LIMS1: variants seen among roughly 807,000 people sequenced by gnomAD.
LIMS1 encodes LIM and senescent cell antigen-like-containing domain protein 1.
A neutral mutation model predicts 44.1 loss-of-function variants in LIMS1; 18 were observed. The ratio of observed to expected loss-of-function variants is 0.41; its 90% CI spans 0.28 to 0.61. The LOEUF is 0.61. Among genes scored for constraint, LIMS1 ranks in the 20% least tolerant of loss-of-function variants. LIMS1 has a pLI of 0.32. For missense variants in LIMS1, 201 were observed against 422.0 expected, an observed-to-expected ratio of 0.48 and a Z score of 4.59; for synonymous variants, 93 against 149.1, an observed-to-expected ratio of 0.62 and a Z score of 2.74.
chr2:108,553,168 C>T (rs1488866020), intron 1 of LIMS1, among the ~76,000 whole-genome samples: 1 of 152,214 alleles, frequency 6.6e-6, no homozygotes. Flanking sequence ...GTCTTCCATG[C>T]TCTCTCCTGG....
intron 1 of LIMS1, among the ~76,000 whole-genome samples, chr2:108,647,402 A>G (rs1185183667): frequency 6.6e-6 from 1 of 152,234 alleles, no homozygotes; most frequent in African/African-American, 2.4e-5. Context: ...AGGAGCTGGT[A>G]CCATTCCTTC....
At chr2:108,572,951 C>G (rs1447889014) in intron 1 of LIMS1, among the ~76,000 whole-genome samples, 1 of 152,078 alleles carries the variant, frequency 6.6e-6, no homozygotes, top group African/African-American at 2.4e-5. Flanking sequence ...GTTGCTGTTC[C>G]GCAGCTTCCT....
At position 108,670,778 on chromosome 2, in the gene LIMS1, C is replaced by T; in HGVS notation, c.193-3C>T. 6.2e-7 allele frequency: 1 copy of T among 1,611,868 alleles called. No individual in the cohort carries two copies. The highest frequency in any genetic ancestry group is 8.5e-7 in the Non-Finnish European group (1 of 1,179,836). Reference sequence around the variant, plus strand: ...TGTAAGTTGGTGGTACCCTCTCTTTCAGTTTGAAGGAAGAAAGTACTGTGA... The same window carrying T: ...TGTAAGTTGGTGGTACCCTCTCTTTTAGTTTGAAGGAAGAAAGTACTGTGA... On this transcript the variant is annotated splice_polypyrimidine_tract_variant and splice_region_variant and intron_variant, in intron 2 of 9. Transcript: ENST00000544547.
At chr2:108,537,147 A>G (rs1209567944) in intron 1 of LIMS1, among the ~76,000 whole-genome samples, 1 of 152,210 alleles carries the variant, frequency 6.6e-6, no homozygotes, top group African/African-American at 2.4e-5. Context: ...TTGTTTTTGC[A>G]CTATCTGTGT....
intron 1 of LIMS1, among the ~76,000 whole-genome samples, chr2:108,566,915 G>A (rs1248558055): frequency 1.3e-5 from 2 of 152,166 alleles, no homozygotes; most frequent in East Asian, 1.9e-4. Flanking sequence ...CACTTTTTAA[G>A]TGTGTAGTTC....
chr2:108,613,911 A>G (rs1398764722), intron 1 of LIMS1, among the ~76,000 whole-genome samples: 2 of 151,334 alleles, frequency 1.3e-5, no homozygotes, highest in Admixed American at 6.6e-5. Flanking sequence ...GTCAGCATCC[A>G]CTCTGCACCC....
intron 1 of LIMS1, among the ~76,000 whole-genome samples, chr2:108,609,869 G>C: frequency 6.6e-6 from 1 of 152,040 alleles, no homozygotes; most frequent in East Asian, 1.9e-4. Flanking sequence ...TTGGCCGGGC[G>C]CGGTGGCTCA....
intron 1 of LIMS1, among the ~76,000 whole-genome samples, chr2:108,585,007 C>T (rs1474963225): frequency 1.3e-5 from 2 of 151,772 alleles, no homozygotes; most frequent in Non-Finnish European, 2.9e-5. Flanking sequence ...AAAAATTAGC[C>T]GAGCGTGGTG....
intron 3 of LIMS1, among the ~76,000 whole-genome samples, chr2:108,671,538 G>T (rs539360125): frequency 1.3e-5 from 2 of 152,148 alleles, no homozygotes; most frequent in African/African-American, 4.8e-5. Flanking sequence ...CTTGCACGGC[G>T]CATAAGTGAT....
chr2:108,624,184 T>A (rs1463345637), intron 1 of LIMS1, among the ~76,000 whole-genome samples: 1 of 152,220 alleles, frequency 6.6e-6, no homozygotes, highest in Non-Finnish European at 1.5e-5. Context: ...GCATTGACCC[T>A]TTTTTCCCTG....
chr2:108,670,310 A>T (rs1370572026), intron 2 of LIMS1, among the ~76,000 whole-genome samples: 1 of 151,086 alleles, frequency 6.6e-6, no homozygotes, highest in African/African-American at 2.4e-5. Context: ...ACATAGCAAG[A>T]CTCCCATTTA....
At position 108,678,981 on chromosome 2, in the gene LIMS1, G is replaced by A. The variant is rs535224385; in HGVS notation, c.823+954G>A. Among the ~76,000 whole-genome samples, 9 of 152,210 alleles carry A rather than the reference G, an allele frequency of 5.9e-5. No individual in the cohort carries two copies. In the South Asian group the frequency reaches 6.2e-4, roughly 11 times the overall value. On this transcript the variant is annotated intron_variant, in intron 8 of 9. Coordinates refer to ENST00000544547, the Ensembl canonical transcript of LIMS1. Reference sequence around the variant, plus strand: ...GGCACACATCATTTATAACTTCACAGGATACTTAAGGATGGGGGAAGATTA... The same window carrying A: ...GGCACACATCATTTATAACTTCACAAGATACTTAAGGATGGGGGAAGATTA...
intron 5 of LIMS1, among the ~76,000 whole-genome samples, chr2:108,675,343 G>A (rs1692461690): frequency 3.3e-5 from 5 of 152,070 alleles, no homozygotes; most frequent in African/African-American, 9.7e-5. Context: ...GGAAGGAAGA[G>A]AAGGAAGGAG....
intron 1 of LIMS1, among the ~76,000 whole-genome samples, chr2:108,558,654 ATATT>A (rs1189441548): frequency 1.3e-5 from 2 of 148,636 alleles, no homozygotes; most frequent in African/African-American, 2.5e-5. Flanking sequence ...TTTTAAGAAT[ATATT>A]TATTTATTTA....
At chr2:108,667,181 C>A (rs1181272588) in intron 2 of LIMS1, among the ~76,000 whole-genome samples, 1 of 152,110 alleles carries the variant, frequency 6.6e-6, no homozygotes. Context: ...CAGGAGGCAC[C>A]TCATTAACAT....
chr2:108,535,472 C>G (rs796425380), intron 1 of LIMS1, among the ~76,000 whole-genome samples: 19 of 152,296 alleles, frequency 1.2e-4, no homozygotes, highest in African/African-American at 4.6e-4. Flanking sequence ...CCTTTGCACA[C>G]AGTTACGTTA....
chr2:108,536,783 A>G (rs769856212), intron 1 of LIMS1, among the ~76,000 whole-genome samples: 3 of 152,100 alleles, frequency 2.0e-5, no homozygotes, highest in Non-Finnish European at 2.9e-5. Context: ...GGGTTTCGCC[A>G]TGTTGTCCAG....
chr2:108,651,114 C>G (rs2148945644), intron 1 of LIMS1, among the ~76,000 whole-genome samples: 1 of 152,278 alleles, frequency 6.6e-6, no homozygotes, highest in East Asian at 1.9e-4. Context: ...GCTCCTGAAA[C>G]CCCGGGGCCT....
chr2:108,596,282 T>C (rs909261503), intron 1 of LIMS1, among the ~76,000 whole-genome samples: 1 of 152,262 alleles, frequency 6.6e-6, no homozygotes, highest in African/African-American at 2.4e-5. Flanking sequence ...GCATGTGCTG[T>C]CTTTAATTTC....
Sources: allele counts gnomAD v4.1 joint callset (sites outside exome capture counted in the v4.1 genomes callset), GRCh38; gene constraint gnomAD v4.1.1; transcripts MANE v1.5; gene names NCBI Gene and HGNC (gene_info 2026-07-23, HGNC 2026-07-21).